SPOCK3: variants seen among roughly 807,000 people sequenced by gnomAD.
SPOCK3 encodes the protein testican-3.
SPOCK3 carries 30 observed loss-of-function variants against 56.6 expected under a neutral mutation model. The observed-to-expected ratio is 0.53, with a 90% CI of 0.40 to 0.72. SPOCK3 has a LOEUF of 0.72. Ranked by LOEUF, SPOCK3 falls within the 30% of genes least tolerant of loss-of-function variation. The probability of loss-of-function intolerance (pLI) is 0.00; values close to 1 mark genes in which losing one functional copy is unlikely to be tolerated. For synonymous variants in SPOCK3, 196 were observed against 183.3 expected (o/e 1.07, Z -0.56); for missense variants, 527 against 530.0 (o/e 0.99, Z 0.06).
chr4:167,152,430 G>A (rs905332767), intron 2 of SPOCK3, among the ~76,000 whole-genome samples: 6 of 151,978 alleles, frequency 3.9e-5, no homozygotes, highest in Admixed American at 6.5e-5. Flanking sequence ...GAACCATGGA[G>A]TAGTTTCTCA....
intron 3 of SPOCK3, among the ~76,000 whole-genome samples, chr4:167,060,981 A>G (rs1352863377): frequency 1.3e-5 from 2 of 152,106 alleles, no homozygotes; most frequent in East Asian, 3.9e-4. Flanking sequence ...AGCTATTATC[A>G]TGTCATAAGC....
intron 2 of SPOCK3, among the ~76,000 whole-genome samples, chr4:167,226,363 G>A (rs147723978): frequency 2.6e-5 from 4 of 152,194 alleles, no homozygotes; most frequent in African/African-American, 7.2e-5. Context: ...ACTCAAGCAT[G>A]TCCATCATGG....
chr4:166,953,722 T>G (rs1234275066), intron 4 of SPOCK3, among the ~76,000 whole-genome samples: 1 of 152,202 alleles, frequency 6.6e-6, no homozygotes, highest in Admixed American at 6.5e-5. Flanking sequence ...TAAGGAAATG[T>G]GGCACATATA....
At chr4:166,869,037 C>G (rs559225467) in intron 6 of SPOCK3, among the ~76,000 whole-genome samples, 1 of 152,154 alleles carries the variant, frequency 6.6e-6, no homozygotes, top group South Asian at 2.1e-4. Context: ...GATGGGAGAA[C>G]TGTTGGTGTT....
intron 6 of SPOCK3, among the ~76,000 whole-genome samples, chr4:166,851,282 A>G (rs1025481671): frequency 3.3e-5 from 5 of 152,208 alleles, no homozygotes; most frequent in Admixed American, 1.3e-4. Context: ...GAAAACTAAC[A>G]AACAGAAAGG....
intron 6 of SPOCK3, among the ~76,000 whole-genome samples, chr4:166,821,661 A>G (rs1303762519): frequency 6.6e-6 from 1 of 152,096 alleles, no homozygotes. Context: ...AAAAAGTGAC[A>G]CTAAGAAGAA....
At chr4:167,194,778 C>T (rs1732782393) in intron 2 of SPOCK3, among the ~76,000 whole-genome samples, 1 of 152,128 alleles carries the variant, frequency 6.6e-6, no homozygotes, top group African/African-American at 2.4e-5. Flanking sequence ...GTCTCCAGGA[C>T]CTTGGCCAGT....
intron 3 of SPOCK3, among the ~76,000 whole-genome samples, chr4:167,040,192 A>T (rs1753122888): frequency 6.6e-6 from 1 of 152,180 alleles, no homozygotes; most frequent in African/African-American, 2.4e-5. Context: ...TTTAACTGGA[A>T]ACACAAACAA....
chr4:166,951,095 C>T (rs569478165), intron 4 of SPOCK3, among the ~76,000 whole-genome samples: 1 of 142,878 alleles, frequency 7.0e-6, no homozygotes, highest in African/African-American at 2.9e-5. Context: ...CAGAGCAGAA[C>T]TGAAGGAAAT....
At chr4:167,064,256 A>T (rs536716812) in intron 2 of SPOCK3, among the ~76,000 whole-genome samples, 1 of 151,922 alleles carries the variant, frequency 6.6e-6, no homozygotes, top group African/African-American at 2.4e-5. Flanking sequence ...TGTAGTTGAT[A>T]TATTTATGTC....
At chr4:166,996,519 C>T (rs762206808) in intron 4 of SPOCK3, among the ~76,000 whole-genome samples, 10 of 152,148 alleles carry the variant, frequency 6.6e-5, no homozygotes, top group Admixed American at 2.6e-4. Flanking sequence ...GGAAACCCAT[C>T]ATGTATTTCA....
chr4:166,796,169 T>A (rs1310353770), intron 6 of SPOCK3, among the ~76,000 whole-genome samples: 2 of 152,152 alleles, frequency 1.3e-5, no homozygotes, highest in African/African-American at 4.8e-5. Flanking sequence ...TTTCTGTTGT[T>A]TATAAGCCTG....
intron 2 of SPOCK3, among the ~76,000 whole-genome samples, chr4:167,199,835 C>T (rs1733348888): frequency 6.7e-6 from 1 of 150,350 alleles, no homozygotes; most frequent in African/African-American, 2.4e-5. Context: ...ATGTACTATT[C>T]TAAACTCTGA....
chr4:167,007,531 G>C (rs1016391693), intron 3 of SPOCK3, among the ~76,000 whole-genome samples: 1 of 151,900 alleles, frequency 6.6e-6, no homozygotes. Flanking sequence ...GTTGTAATCT[G>C]ATTTAAGCAA....
intron 7 of SPOCK3, among the ~76,000 whole-genome samples, chr4:166,762,260 C>T (rs936337948): frequency 1.3e-5 from 2 of 151,974 alleles, no homozygotes; most frequent in Non-Finnish European, 2.9e-5. Flanking sequence ...TCCCTATTAC[C>T]TTGAAGCAAA....
At chr4:167,092,853 T>C (rs1190358833) in intron 2 of SPOCK3, among the ~76,000 whole-genome samples, 2 of 151,030 alleles carry the variant, frequency 1.3e-5, no homozygotes, top group African/African-American at 4.9e-5. Flanking sequence ...CTCTGAAAAT[T>C]TCCCTGATGC....
intron 3 of SPOCK3, among the ~76,000 whole-genome samples, chr4:167,059,745 A>G (rs1283736970): frequency 2.0e-5 from 3 of 152,232 alleles, no homozygotes; most frequent in African/African-American, 7.2e-5. Context: ...AAGACTTGGA[A>G]CAAACCCAAA....
At chr4:166,885,751 A>G (rs1372156352) in intron 6 of SPOCK3, among the ~76,000 whole-genome samples, 1 of 152,234 alleles carries the variant, frequency 6.6e-6, no homozygotes. Flanking sequence ...ATATAATTTG[A>G]AATGAATTAA....
intron 3 of SPOCK3, among the ~76,000 whole-genome samples, chr4:167,032,630 AT>A (rs2150183598): frequency 6.6e-6 from 1 of 152,004 alleles, no homozygotes; most frequent in African/African-American, 2.4e-5. Flanking sequence ...CAGAACATAC[AT>A]GTGTGTTTAT....
Sources: allele counts gnomAD v4.1 joint callset (sites outside exome capture counted in the v4.1 genomes callset), GRCh38; gene constraint gnomAD v4.1.1; transcripts MANE v1.5; gene names NCBI Gene and HGNC (gene_info 2026-07-23, HGNC 2026-07-21).